CLCF1: variants seen among roughly 807,000 people sequenced by gnomAD.
CLCF1 encodes the protein cardiotrophin like cytokine factor 1.
Under a neutral mutation model 21.2 loss-of-function variants are expected in CLCF1, and 10 were observed. The ratio of observed to expected loss-of-function variants is 0.47; its 90% CI spans 0.29 to 0.80. CLCF1 has a LOEUF of 0.80. Among genes scored for constraint, CLCF1 ranks in the 30% least tolerant of loss-of-function variants. The pLI is 0.09. For missense variants in CLCF1, 240 were observed against 293.4 expected (o/e 0.82, Z 1.33); for synonymous variants, 115 against 120.5 (o/e 0.95, Z 0.30).
Position 67,365,724 on chromosome 11 carries a change from G to A in CLCF1, c.184-94C>T. On this transcript the variant is annotated intron_variant, in intron 2 of 2. Coordinates refer to ENST00000312438, the MANE Select transcript of CLCF1 (RefSeq NM_013246.3). This position sits in a 1 kb window ranked among gnomAD's most constrained non-coding sequence, Gnocchi z 5.0. The stretch of plus-strand genomic sequence containing the variant: ...TGCTCCCAAAGTTTCTATTTTTTGT[G>A]TCCCCTGACACTGGCCCTGTCTCCA... 2.7e-6 allele frequency: 4 copies of A among 1,501,852 alleles called. No homozygotes were observed. Among genetic ancestry groups the A allele is most frequent in the Non-Finnish European group, 3.6e-6 (4 of 1,124,902 alleles). 93.0% of individuals were successfully genotyped at this position (1,501,852 alleles called of 1,614,324 possible). A position where few individuals can be genotyped will look rare whatever the true frequency, so the allele number is the denominator to read the frequency against.
Position 67,369,820 on chromosome 11 carries a change from C to G in CLCF1, c.17-2194G>C, listed in dbSNP as rs1862191330. On this transcript the variant is annotated intron_variant, in intron 1 of 2. Coordinates refer to ENST00000312438, the MANE Select transcript of CLCF1 (RefSeq NM_013246.3). Reference sequence around the variant, plus strand: ...AGGAACCCAGCTCAGAACTTACCCTCTCCCATTCTGAGCCCTGTGGGACAT... The same window carrying G: ...AGGAACCCAGCTCAGAACTTACCCTGTCCCATTCTGAGCCCTGTGGGACAT... The G allele has an allele frequency of 3.0e-6, 3 of 985,328 alleles. No individual in the cohort carries two copies. In the African/African-American group the frequency reaches 5.2e-5, roughly 17 times the overall value. The allele number at this position is 985,328 out of a possible 1,614,324, so 61.0% of individuals were successfully genotyped here.
chr11:67,370,983 C>T (rs1862219518), intron 1 of CLCF1: 5 of 985,270 alleles, frequency 5.1e-6, no homozygotes, highest in Non-Finnish European at 6.0e-6. Context: ...AAAGGCCAGA[C>T]CAGGACCAGC....
intron 1 of CLCF1, chr11:67,368,508 G>T (rs1188989233): frequency 2.0e-6 from 2 of 985,294 alleles, no homozygotes; most frequent in African/African-American, 3.5e-5. Context: ...GTGCTGTAAG[G>T]AGGGATGTGG....
At position 67,365,012 on chromosome 11, in the gene CLCF1, T is replaced by C; in HGVS notation, c.*124A>G. On this transcript the variant is annotated 3_prime_UTR_variant, in exon 3 of 3. Transcript: ENST00000312438. This position sits in a 1 kb window ranked among gnomAD's most constrained non-coding sequence, Gnocchi z 5.0. The stretch of plus-strand genomic sequence containing the variant: ...CTGATCGCATCACACGCCCAGCCGG[T>C]CCAGGAAAGGGCCAGAGGCTCACAG... The C allele has an allele frequency of 6.5e-7, 1 of 1,529,764 alleles. No homozygotes were observed. Among genetic ancestry groups the C allele is most frequent in the Non-Finnish European group, 8.8e-7 (1 of 1,132,352 alleles). 94.8% of individuals were successfully genotyped at this position (1,529,764 alleles called of 1,614,324 possible).
At chr11:67,370,183 C>CGTG in intron 1 of CLCF1, 1 of 985,398 alleles carries the variant, frequency 1.0e-6, no homozygotes, top group South Asian at 4.7e-5. Flanking sequence ...AAGCCATGCC[C>CGTG]GTGTCTCAGG....
chr11:67,371,640 G>T (rs748573476), intron 1 of CLCF1, among the ~76,000 whole-genome samples: 4 of 152,174 alleles, frequency 2.6e-5, no homozygotes, highest in Non-Finnish European at 4.4e-5. Flanking sequence ...GGGGAGCCAG[G>T]GGGGAGCCCA....
At chr11:67,369,348 T>C (rs1256340809) in intron 1 of CLCF1, 1 of 978,824 alleles carries the variant, frequency 1.0e-6, no homozygotes, top group Non-Finnish European at 1.2e-6. Flanking sequence ...ACGCGTGTGT[T>C]TTAGGACAGA....
intron 1 of CLCF1, chr11:67,369,038 T>C: frequency 1.0e-6 from 1 of 984,008 alleles, no homozygotes. Context: ...TAGATAGGTA[T>C]AACGCTTTGC....
intron 1 of CLCF1, chr11:67,370,326 G>T: frequency 2.0e-6 from 2 of 985,274 alleles, no homozygotes; most frequent in Non-Finnish European, 2.4e-6. Context: ...CCTCCCTCAG[G>T]CTCATGTTGT....
At chr11:67,373,954 C>G (rs182674236), upstream of CLCF1, 6,007 of 1,006,752 alleles carry the variant, frequency 6.0e-3, 420 homozygotes, top group Admixed American at 0.18. Flanking sequence ...GGGACAGCGC[C>G]GGCTTCGGGT....
At position 67,365,107 on chromosome 11, in the gene CLCF1, AG is replaced by A. The variant is rs1590911984; in HGVS notation, c.*28del. 1 of 1,612,904 alleles carries A rather than the reference AG, an allele frequency of 6.2e-7. No individual in the cohort carries two copies. Among genetic ancestry groups the A allele is most frequent in the Non-Finnish European group, 8.5e-7 (1 of 1,179,938 alleles). On this transcript the variant is annotated 3_prime_UTR_variant, in exon 3 of 3. Coordinates refer to ENST00000312438, the MANE Select transcript of CLCF1 (RefSeq NM_013246.3). This position sits in a 1 kb window ranked among gnomAD's most constrained non-coding sequence, Gnocchi z 5.0. ...CTCACAAAGTGGGAGCAGGGTTTGA[AG>A]GGGGAGCGAAGAGGAGAAGGTCAGA... is the stretch of plus-strand genomic sequence containing the variant.
At chr11:67,370,689 G>T (rs1047885825) in intron 1 of CLCF1, 4 of 985,288 alleles carry the variant, frequency 4.1e-6, no homozygotes, top group Admixed American at 1.2e-4. Flanking sequence ...ACAGGCAGGC[G>T]CACCCGTGAG....
chr11:67,372,960 G>A lies in CLCF1; in HGVS notation c.16+564C>T, dbSNP rs1053705137. ...CGAGTCCCGCGGCGCGGCTCGGCCC[G>A]TCCGGCCCGGCCCAGCCAGGCTCGG... On this transcript the variant is annotated intron_variant, in intron 1 of 2. Transcript: ENST00000312438. The surrounding 1 kb of genome is among the most constrained non-coding windows in gnomAD (Gnocchi z 5.9). Among the ~76,000 whole-genome samples the A allele has an allele frequency of 4.7e-5, 7 of 149,680 alleles. No homozygotes were observed. Among genetic ancestry groups the A allele is most frequent in the African/African-American group, 1.7e-4 (7 of 40,896 alleles).
In CLCF1 at chr11:67,365,833, G is replaced by A. The variant is rs1862083329; in HGVS notation, c.184-203C>T. On this transcript the variant is annotated intron_variant, in intron 2 of 2. Transcript: ENST00000312438. This position sits in a 1 kb window ranked among gnomAD's most constrained non-coding sequence, Gnocchi z 5.0. ...TGCAGGTGACAGTTGAAGCAGTGGC[G>A]GTGGTGAGCTCTCCAATGGAGAGGC... 2.0e-5 allele frequency among the ~76,000 whole-genome samples: 3 copies of A among 152,180 alleles called. No homozygotes were observed. The South Asian group carries it at 6.2e-4, about 31-fold the overall frequency.
At chr11:67,369,340 G>A (rs1035844484) in intron 1 of CLCF1, 31 of 981,298 alleles carry the variant, frequency 3.2e-5, no homozygotes, top group South Asian at 4.7e-5. Flanking sequence ...GTGTGTACAC[G>A]CGTGTGTTTT....
chr11:67,373,988 T>TG (rs61593941), upstream of CLCF1: 993,450 of 993,476 alleles, frequency 1, 496,712 homozygotes, highest in Middle Eastern at 1. Flanking sequence ...GGCGTTGGCC[T>TG]GGGACACCGC....
chr11:67,370,929 G>A, intron 1 of CLCF1: 2 of 985,452 alleles, frequency 2.0e-6, no homozygotes, highest in Non-Finnish European at 2.4e-6. Context: ...TCCAGAGGTG[G>A]GGCATGGTGG....
At chr11:67,371,713 T>G (rs1590917866) in intron 1 of CLCF1, among the ~76,000 whole-genome samples, 2 of 135,444 alleles carry the variant, frequency 1.5e-5, no homozygotes, top group African/African-American at 5.7e-5. Context: ...CAGTGGTGGG[T>G]GAATTGGAAA....
rs1862064818 is a variant in CLCF1, at chr11:67,364,939, C to T, written c.*197G>A. The T allele has an allele frequency of 1.3e-6, 1 of 790,166 alleles. No homozygotes were observed. Among genetic ancestry groups the T allele is most frequent in the East Asian group, 2.7e-5 (1 of 36,964 alleles). The allele number at this position is 790,166 out of a possible 1,614,324, so 48.9% of individuals were successfully genotyped here. On this transcript the variant is annotated 3_prime_UTR_variant, in exon 3 of 3. Transcript: ENST00000312438. ...ACAGGACAGGACAGGGCCTACTGTA[C>T]CTCCTCCCCAGCTCGGTAGACCTTT... is the stretch of plus-strand genomic sequence containing the variant.
Sources: allele counts gnomAD v4.1 joint callset (sites outside exome capture counted in the v4.1 genomes callset), GRCh38; gene constraint gnomAD v4.1.1; non-coding constraint Gnocchi (gnomAD v3.1); transcripts MANE v1.5; gene names NCBI Gene and HGNC (gene_info 2026-07-23, HGNC 2026-07-21).